The following NNT variants were observed in gnomAD, a reference collection of about 807,000 sequenced individuals.
NNT encodes nicotinamide nucleotide transhydrogenase.
A neutral mutation model predicts 104.8 loss-of-function variants in NNT; 50 were observed. That is an observed-to-expected ratio of 0.48 (90% CI 0.38 to 0.60). NNT has a LOEUF of 0.60. NNT is among the 20% of genes least tolerant of loss of function. The pLI, the probability that NNT is intolerant of heterozygous loss-of-function variation, is 0.00. For synonymous variants in NNT, 461 were observed against 490.4 expected (o/e 0.94, Z 0.79); for missense variants, 1,131 against 1,330.7 (o/e 0.85, Z 2.33).
chr5:43,609,115 A>G (rs1249523173), intron 1 of NNT, 28 bp from the exon 2 acceptor site: 2 of 1,107,900 alleles, frequency 1.8e-6, no homozygotes, highest in African/African-American at 3.1e-5. Context: ...TTCTTGGCAT[A>G]TATACATCCT....
In NNT at chr5:43,627,503, A is replaced by G. The variant is rs2111683691; in HGVS notation, c.777-697A>G. Among the ~76,000 whole-genome samples the G allele has an allele frequency of 1.3e-5, 2 of 152,240 alleles. 1 individual carries two copies. Among genetic ancestry groups the G allele is most frequent in the South Asian group, 4.2e-4 (2 of 4,818 alleles). ...TTGTCATTAGGGGGGTTTGAGATTTACCATAGTGGAATGGATATTGATGAG... is the reference window on the plus strand; with the variant it reads ...TTGTCATTAGGGGGGTTTGAGATTTGCCATAGTGGAATGGATATTGATGAG... On this transcript the variant is annotated intron_variant, in intron 6 of 21. Transcript: ENST00000344920.
At chr5:43,642,406 T>C (rs1393665401) in intron 7 of NNT, among the ~76,000 whole-genome samples, 7 of 152,218 alleles carry the variant, frequency 4.6e-5, no homozygotes, top group Admixed American at 2.6e-4. Flanking sequence ...TAAAGTTTAG[T>C]TAAGTATTCA....
chr5:43,663,935 A>G (rs373636739), intron 17 of NNT, among the ~76,000 whole-genome samples: 2 of 152,236 alleles, frequency 1.3e-5, no homozygotes, highest in African/African-American at 4.8e-5. Flanking sequence ...CAGATAGACT[A>G]TGATAGCAGA....
chr5:43,701,134 G>T (rs1254859676), intron 20 of NNT, among the ~76,000 whole-genome samples: 1 of 151,912 alleles, frequency 6.6e-6, no homozygotes, highest in Non-Finnish European at 1.5e-5. Context: ...TAGATTCAGG[G>T]GTACATGTGC....
intron 19 of NNT, among the ~76,000 whole-genome samples, chr5:43,684,874 T>TA (rs1741901468): frequency 6.6e-6 from 1 of 152,150 alleles, no homozygotes; most frequent in African/African-American, 2.4e-5. Context: ...TAATTAAATG[T>TA]AAAAAAATAC....
chr5:43,668,120 G>GT (rs564988598), intron 17 of NNT, among the ~76,000 whole-genome samples: 340 of 151,916 alleles, frequency 2.2e-3, no homozygotes, highest in African/African-American at 7.8e-3. Flanking sequence ...GGGATTGTTT[G>GT]TTTTTTTCTT....
intron 17 of NNT, among the ~76,000 whole-genome samples, chr5:43,672,316 A>G (rs1045426772): frequency 2.6e-5 from 4 of 151,758 alleles, no homozygotes; most frequent in Non-Finnish European, 4.4e-5. Context: ...GCTTTGTTCC[A>G]TTGCTGGCGA....
At position 43,686,973 on chromosome 5, in the gene NNT, T is replaced by A. The variant is rs1306519480; in HGVS notation, c.2876+9167T>A. Among the ~76,000 whole-genome samples the A allele has an allele frequency of 2.0e-5, 3 of 152,170 alleles. No homozygotes were observed. The East Asian group carries it at 5.8e-4, about 29-fold the overall frequency. On this transcript the variant is annotated intron_variant, in intron 19 of 21. Transcript: ENST00000344920. ...TACCCTATACTGCTTTTCTAAATCC[T>A]TTCTCTAAAAAGAGACATAGATAGT...
Position 43,667,339 on chromosome 5 carries a change from G to A in NNT, c.2634+7989G>A, listed in dbSNP as rs981027767. 2.9e-5 allele frequency: 16 copies of A among 553,356 alleles called. 1 individual carries two copies. In the South Asian group the frequency reaches 3.1e-4, roughly 11 times the overall value. The allele number at this position is 553,356 out of a possible 1,614,324, so 34.3% of individuals were successfully genotyped here. ...CACAACGTGCAGGTTTGTTACATATGTATACATGCGCCATGTTGGTGTGCT... is the reference window on the plus strand; with the variant it reads ...CACAACGTGCAGGTTTGTTACATATATATACATGCGCCATGTTGGTGTGCT... On this transcript the variant is annotated intron_variant, in intron 17 of 21. Coordinates refer to ENST00000344920, the MANE Select transcript of NNT (RefSeq NM_182977.3).
intron 10 of NNT, chr5:43,648,113 T>G: frequency 8.3e-7 from 1 of 1,205,676 alleles, no homozygotes; most frequent in African/African-American, 1.6e-5. Flanking sequence ...GACAAAATAG[T>G]GTTGTATCTA....
At chr5:43,685,763 C>T (rs1741954727) in intron 19 of NNT, among the ~76,000 whole-genome samples, 1 of 152,048 alleles carries the variant, frequency 6.6e-6, no homozygotes, top group Non-Finnish European at 1.5e-5. Context: ...CTTCAATAGC[C>T]TCACATGCCC....
Position 43,655,855 on chromosome 5 carries a change from A to C in NNT, c.2075A>C (p.Lys692Thr), listed in dbSNP as rs746730262. Residue 692 changes from lysine to threonine, a missense_variant, in exon 15 of 22, where the codon AAA becomes ACA. By Grantham distance (78) the Lys-to-Thr change is moderately conservative. Coordinates refer to ENST00000344920, the MANE Select transcript of NNT (RefSeq NM_182977.3). ...LGGTIGLTIA[K>T]RIQISDLPQL... ...TTCATAACAGGATTGACAATTGCCA[A>C]ACGCATCCAGATTTCTGATTTACCT... The C allele has an allele frequency of 4.3e-6, 7 of 1,614,040 alleles. No homozygotes were observed. The Admixed American group carries it at 1.2e-4, about 27-fold the overall frequency.
chr5:43,687,790 T>C (rs1325619623), intron 19 of NNT, among the ~76,000 whole-genome samples: 1 of 152,204 alleles, frequency 6.6e-6, no homozygotes. Flanking sequence ...ACATTGTCTT[T>C]ATGCAGTCTG....
In NNT at chr5:43,612,920, A is replaced by T. The variant is rs1749577105; in HGVS notation, c.164A>T (p.Lys55Met). 6.2e-7 allele frequency: 1 copy of T among 1,611,656 alleles called. No homozygotes were observed. Among genetic ancestry groups the T allele is most frequent in the Non-Finnish European group, 8.5e-7 (1 of 1,178,268 alleles). The change falls in exon 3 of 22, where the codon AAG (lysine) becomes ATG (methionine). Residue 55 changes from lysine to methionine, a missense_variant. Coordinates refer to ENST00000344920, the MANE Select transcript of NNT (RefSeq NM_182977.3). ...TGCTTGTTTCTAGGAATTCCATATA[A>T]GCAACTGACTGTTGGAGTCCCCAAA... is the stretch of plus-strand genomic sequence containing the variant. ...KAPVKPGIPY[K>M]QLTVGVPKEI...
chr5:43,701,412 T>G (rs549196702), intron 20 of NNT, among the ~76,000 whole-genome samples: 1 of 152,316 alleles, frequency 6.6e-6, no homozygotes, highest in East Asian at 1.9e-4. Flanking sequence ...AGGACACGAT[T>G]TCCATCCTTT....
intron 3 of NNT, among the ~76,000 whole-genome samples, chr5:43,614,349 C>T (rs541890804): frequency 1.6e-4 from 25 of 152,288 alleles, no homozygotes; most frequent in African/African-American, 5.5e-4. Flanking sequence ...TCATTTGAGC[C>T]AAGTCTGTTA....
At chr5:43,646,406 C>T (rs1483343427) in intron 10 of NNT, among the ~76,000 whole-genome samples, 1 of 151,866 alleles carries the variant, frequency 6.6e-6, no homozygotes, top group Non-Finnish European at 1.5e-5. Context: ...CTTCTCACTT[C>T]AGCCTCCTGA....
chr5:43,619,480 T>C (rs896212696), intron 5 of NNT, among the ~76,000 whole-genome samples: 1 of 152,226 alleles, frequency 6.6e-6, no homozygotes, highest in Admixed American at 6.5e-5. Flanking sequence ...TTTTGGCACA[T>C]ATACAAGGTA....
rs949251470 is a variant in NNT, at chr5:43,680,006, GT to G, written c.2876+2209del. ...AGGTAAAATATATTAATATATTGTAGTTTTTTTTTACTATAGTATGTTGAAT... is the reference window on the plus strand; with the variant it reads ...AGGTAAAATATATTAATATATTGTAGTTTTTTTTACTATAGTATGTTGAAT... On this transcript the variant is annotated intron_variant, in intron 19 of 21. Coordinates refer to ENST00000344920, the MANE Select transcript of NNT (RefSeq NM_182977.3). Among the ~76,000 whole-genome samples the G allele has an allele frequency of 4.7e-5, 7 of 150,478 alleles. No homozygotes were observed. In the South Asian group the frequency reaches 8.4e-4, roughly 18 times the overall value.
Sources: gnomAD v4.1 joint callset for allele counts (sites outside exome capture counted in the v4.1 genomes callset) on GRCh38, gnomAD v4.1.1 for gene constraint, MANE v1.5 for transcripts, NCBI Gene and HGNC (gene_info 2026-07-23, HGNC 2026-07-21) for gene names.